CSNK2A1: variants seen among roughly 807,000 people sequenced by gnomAD.
The protein encoded by CSNK2A1 is casein kinase II subunit alpha.
A neutral mutation model predicts 62.9 loss-of-function variants in CSNK2A1; 10 were observed. The observed-to-expected ratio is 0.16, with a 90% CI of 0.10 to 0.27. The LOEUF is 0.27. CSNK2A1 is among the 10% of genes least tolerant of loss of function. The pLI, the probability that CSNK2A1 is intolerant of heterozygous loss-of-function variation, is 1.00. For missense variants in CSNK2A1, 160 were observed against 492.0 expected (o/e 0.33, Z 6.38); for synonymous variants, 124 against 167.8 (o/e 0.74, Z 2.02).
intron 4 of CSNK2A1, chr20:504,387 T>C (rs752148869): frequency 1.2e-4 from 18 of 152,332 alleles, no homozygotes; most frequent in Non-Finnish European, 1.9e-4. Context: ...AACTATATGC[T>C]AAGTTCCCAA....
At chr20:484,338 AACC>A (rs1316262808) in intron 13 of CSNK2A1, among the ~76,000 whole-genome samples, 3 of 152,236 alleles carry the variant, frequency 2.0e-5, no homozygotes, top group Non-Finnish European at 4.4e-5. Flanking sequence ...AGCAAGTGGC[AACC>A]ATGGTTGGAT....
At chr20:535,887 G>A (rs530069015) in intron 1 of CSNK2A1, among the ~76,000 whole-genome samples, 3 of 152,294 alleles carry the variant, frequency 2.0e-5, no homozygotes, top group Admixed American at 2.0e-4. Context: ...TGTTAATGCA[G>A]GGAGCTGGCC....
Position 478,647 on chromosome 20 carries a change from G to A in CSNK2A1, c.*5314C>T, listed in dbSNP as rs939735546. 1.7e-4 allele frequency: 74 copies of A among 434,052 alleles called. No individual in the cohort carries two copies. Among genetic ancestry groups the A allele is most frequent in the Non-Finnish European group, 2.7e-4 (58 of 217,850 alleles). The allele number at this position is 434,052 out of a possible 1,614,324, so 26.9% of individuals were successfully genotyped here. A position where few individuals can be genotyped will look rare whatever the true frequency, so the allele number is the denominator to read the frequency against. ...TTGAGGCCAATAAGAATCCCTAGTGGGCCAGGTGTGGTGGCTCATGCCTCT... is the reference window on the plus strand; with the variant it reads ...TTGAGGCCAATAAGAATCCCTAGTGAGCCAGGTGTGGTGGCTCATGCCTCT... On this transcript the variant is annotated 3_prime_UTR_variant, in exon 14 of 14. Coordinates refer to ENST00000217244, the MANE Select transcript of CSNK2A1 (RefSeq NM_177559.3).
rs1286516756 is a variant in CSNK2A1 at position 482,186 on chromosome 20, C to T, written c.*1775G>A. 6.6e-6 allele frequency: 1 copy of T among 152,120 alleles called. No homozygotes were observed. The highest frequency in any genetic ancestry group is 1.5e-5 in the Non-Finnish European group (1 of 68,030). 9.4% of individuals were successfully genotyped at this position (152,120 alleles called of 1,614,324 possible). On this transcript the variant is annotated 3_prime_UTR_variant, in exon 14 of 14. Coordinates refer to ENST00000217244, the MANE Select transcript of CSNK2A1 (RefSeq NM_177559.3). ...TCTATGATGCCTAGGCGAGAAAGGC[C>T]TGTGAATCTATAAGGTAGGAGAATG...
At position 541,694 on chromosome 20, in the gene CSNK2A1, T is replaced by C. The variant is rs140652448; in HGVS notation, c.-227+1978A>G. Among the ~76,000 whole-genome samples the C allele has an allele frequency of 2.6e-4, 39 of 152,294 alleles. 1 individual carries two copies. The East Asian group carries it at 7.5e-3, about 29-fold the overall frequency. ...TTAGAAACTAACCCATGCTCCTCCTTAAATGTGTATTTCTCTTCTCTGTAT... is the reference window on the plus strand; with the variant it reads ...TTAGAAACTAACCCATGCTCCTCCTCAAATGTGTATTTCTCTTCTCTGTAT... On this transcript the variant is annotated intron_variant, in intron 1 of 13. Coordinates refer to ENST00000217244, the MANE Select transcript of CSNK2A1 (RefSeq NM_177559.3).
intron 10 of CSNK2A1, 49 bp downstream of exon 10, chr20:489,731 A>T (rs1359645495): frequency 6.1e-6 from 9 of 1,468,988 alleles, no homozygotes; most frequent in Non-Finnish European, 8.4e-6. Flanking sequence ...AGTGCTGGCT[A>T]TCATTGCATT....
At chr20:488,465 C>T (rs2018148627) in intron 11 of CSNK2A1, 1 of 479,998 alleles carries the variant, frequency 2.1e-6, no homozygotes, top group Non-Finnish European at 3.7e-6. Flanking sequence ...GCTATAACCC[C>T]TCCATCAGAC....
intron 1 of CSNK2A1, among the ~76,000 whole-genome samples, chr20:542,874 T>C (rs947812108): frequency 6.6e-6 from 1 of 152,142 alleles, no homozygotes; most frequent in African/African-American, 2.4e-5. Context: ...AGATGCAACT[T>C]CTCCTGACCC....
rs1407217500 is a variant in CSNK2A1 at position 475,944 on chromosome 20, G to T, written c.*8017C>A. ...AGCTGCTTGGGCTGAACTTGATCTA[G>T]ATCAGCTGAACTACATACAGTTGCC... On this transcript the variant is annotated 3_prime_UTR_variant, in exon 14 of 14. Coordinates refer to ENST00000217244, the MANE Select transcript of CSNK2A1 (RefSeq NM_177559.3). The T allele has an allele frequency of 6.6e-6, 1 of 152,348 alleles. No homozygotes were observed. The highest frequency in any genetic ancestry group is 1.5e-5 in the Non-Finnish European group (1 of 68,056). The allele number at this position is 152,348 out of a possible 1,614,324, so 9.4% of individuals were successfully genotyped here.
intron 3 of CSNK2A1, chr20:506,162 C>A (rs901869139): frequency 3.3e-5 from 5 of 152,330 alleles, no homozygotes; most frequent in South Asian, 4.1e-4. Flanking sequence ...AGGCGTGAGC[C>A]ACCGCACCCG....
chr20:511,492 T>C (rs1033156078), intron 2 of CSNK2A1, among the ~76,000 whole-genome samples: 3 of 152,192 alleles, frequency 2.0e-5, no homozygotes, highest in African/African-American at 7.2e-5. Flanking sequence ...TAAACACTAA[T>C]TTTCCCTCCC....
chr20:503,432 A>G (rs376396259), intron 4 of CSNK2A1: 6 of 398,384 alleles, frequency 1.5e-5, no homozygotes, highest in East Asian at 7.1e-5. Flanking sequence ...AGATATAAAT[A>G]CTTAAACTCT....
intron 12 of CSNK2A1, 86 bp from the exon 13 acceptor site, chr20:486,548 T>A: frequency 6.9e-7 from 1 of 1,445,308 alleles, no homozygotes; most frequent in Non-Finnish European, 9.5e-7. Flanking sequence ...CCAGCTTCAT[T>A]CTTTGCAATT....
At position 489,708 on chromosome 20, in the gene CSNK2A1, G is replaced by C. The variant is rs975386170; in HGVS notation, c.723+72C>G. ...GGGGTGGCTGAATAAACAGTGAACT[G>C]AAAGTTACAGGCAGTGCTGGCTATC... is the stretch of plus-strand genomic sequence containing the variant. On this transcript the variant is annotated intron_variant, in intron 10 of 13. Transcript: ENST00000217244. 27 of 1,280,174 alleles carry C rather than the reference G, an allele frequency of 2.1e-5. No homozygotes were observed. In the African/African-American group the frequency reaches 2.5e-4, roughly 12 times the overall value. The allele number at this position is 1,280,174 out of a possible 1,614,324, so 79.3% of individuals were successfully genotyped here.
At position 487,432 on chromosome 20, in the gene CSNK2A1, T is replaced by C; in HGVS notation, c.968A>G (p.Tyr323Cys). 2 of 1,613,782 alleles carry C rather than the reference T, an allele frequency of 1.2e-6. No individual in the cohort carries two copies. The highest frequency in any genetic ancestry group is 8.5e-7 in the Non-Finnish European group (1 of 1,180,012). ...LTAREAMEHPYFYTVVKDQAR... is the reference protein window; with the variant it reads ...LTAREAMEHPCFYTVVKDQAR... ...GGCTAGATATCTGGACTCACAGAAA[T>C]AGGGGTGCTCCATTGCCTCTCTTGC... is the stretch of plus-strand genomic sequence containing the variant. Residue 323 changes from tyrosine to cysteine, a missense_variant, in exon 12 of 14, where the codon TAT becomes TGT. Physicochemically the swap from Tyr to Cys is radical, Grantham distance 194. Coordinates refer to ENST00000217244, the MANE Select transcript of CSNK2A1 (RefSeq NM_177559.3).
At chr20:503,286 A>T (rs1459629224) in intron 4 of CSNK2A1, 1 of 389,436 alleles carries the variant, frequency 2.6e-6, no homozygotes, top group Non-Finnish European at 4.5e-6. Flanking sequence ...CTGCGACTAA[A>T]GGCACATGCC....
chr20:486,975 C>A, intron 12 of CSNK2A1: 1 of 181,300 alleles, frequency 5.5e-6, no homozygotes. Context: ...CATGTTGCAG[C>A]TAACATCACA....
At chr20:535,143 C>T (rs1471443207) in intron 1 of CSNK2A1, among the ~76,000 whole-genome samples, 1 of 150,676 alleles carries the variant, frequency 6.6e-6, no homozygotes, top group African/African-American at 2.4e-5. Flanking sequence ...ACTGCTTGAG[C>T]CCAGGAGTTT....
At chr20:492,929 T>C (rs1366036836) in intron 8 of CSNK2A1, among the ~76,000 whole-genome samples, 1 of 152,140 alleles carries the variant, frequency 6.6e-6, no homozygotes, top group Non-Finnish European at 1.5e-5. Flanking sequence ...ACAATACAGC[T>C]TTTACCAAAA....
Sources: gnomAD v4.1 joint callset for allele counts (sites outside exome capture counted in the v4.1 genomes callset) on GRCh38, gnomAD v4.1.1 for gene constraint, MANE v1.5 for transcripts, NCBI Gene and HGNC (gene_info 2026-07-23, HGNC 2026-07-21) for gene names.